DNAH5: variants seen among roughly 807,000 people sequenced by gnomAD.
DNAH5 encodes the protein dynein axonemal heavy chain 5, also known as axonemal beta dynein heavy chain 5.
DNAH5 carries 372 observed loss-of-function variants against 518.2 expected under a neutral mutation model. The observed-to-expected ratio is 0.72, with a 90% CI of 0.66 to 0.78. DNAH5 has a LOEUF of 0.78. DNAH5 is among the 30% of genes least tolerant of loss of function. The pLI is 0.00. For missense variants in DNAH5, 5,523 were observed against 5,687.0 expected, an observed-to-expected ratio of 0.97 and a Z score of 0.93; for synonymous variants, 2,039 against 2,025.9, an observed-to-expected ratio of 1.01 and a Z score of -0.17.
Position 13,762,715 on chromosome 5 carries a change from G to A in DNAH5, c.10281+7C>T. 6.2e-6 allele frequency: 10 copies of A among 1,613,698 alleles called. No individual in the cohort carries two copies. The highest frequency in any genetic ancestry group is 8.5e-6 in the Non-Finnish European group (10 of 1,179,772). ...CACCTTCACCCAGGTCTGCCTAGCA[G>A]GCTTACCTTCAGAGGCAGTACTTCT... On this transcript the variant is annotated splice_region_variant and intron_variant, in intron 60 of 78. Coordinates refer to ENST00000265104, the MANE Select transcript of DNAH5 (RefSeq NM_001369.3).
intron 68 of DNAH5, among the ~76,000 whole-genome samples, 164 bp from the exon 69 acceptor site, chr5:13,729,724 A>G (rs1746235211): frequency 6.6e-6 from 1 of 152,228 alleles, no homozygotes; most frequent in Non-Finnish European, 1.5e-5. Context: ...TAATAAATCA[A>G]TAGATAATTT....
chr5:13,757,534 A>G (rs1252442491), intron 61 of DNAH5, among the ~76,000 whole-genome samples: 1 of 152,136 alleles, frequency 6.6e-6, no homozygotes, highest in Non-Finnish European at 1.5e-5. Flanking sequence ...AAAGAAAGCA[A>G]AAACTGACAA....
chr5:13,916,798 C>T (rs546395063), intron 8 of DNAH5, among the ~76,000 whole-genome samples: 1 of 151,832 alleles, frequency 6.6e-6, no homozygotes, highest in African/African-American at 2.4e-5. Context: ...TAAAAAAAAA[C>T]ATCACTAGCT....
intron 78 of DNAH5, among the ~76,000 whole-genome samples, chr5:13,694,739 CTTTA>C (rs34325560): frequency 2.6e-5 from 4 of 152,094 alleles, no homozygotes; most frequent in Non-Finnish European, 5.9e-5. Context: ...TAAGTCATTC[CTTTA>C]TTTAACCACC....
chr5:13,820,511 A>G lies in DNAH5; in HGVS notation c.6688-12T>C, dbSNP rs879007222. 2.5e-6 allele frequency: 4 copies of G among 1,613,724 alleles called. No homozygotes were observed. The South Asian group carries it at 3.3e-5, about 13-fold the overall frequency. On this transcript the variant is annotated splice_polypyrimidine_tract_variant and intron_variant, in intron 40 of 78. Coordinates refer to ENST00000265104, the MANE Select transcript of DNAH5 (RefSeq NM_001369.3). ...CCAGCTTCTTCAACCTGAAAACATA[A>G]GAGAATCCCCACATTGAAACACAAC...
At chr5:13,969,292 T>C (rs947959655) in intron 1 of DNAH5, among the ~76,000 whole-genome samples, 8 of 152,224 alleles carry the variant, frequency 5.3e-5, no homozygotes, top group African/African-American at 1.9e-4. Context: ...TTATCTTCTG[T>C]AATTTTTTTG....
At chr5:13,886,172 T>C (rs1238694448) in intron 17 of DNAH5, 43 bp from the exon 18 acceptor site, 1 of 1,538,202 alleles carries the variant, frequency 6.5e-7, no homozygotes. Context: ...CAGTGGTATA[T>C]GGTTTATCTA....
At chr5:13,816,540 T>TA (rs1187772189) in intron 42 of DNAH5, among the ~76,000 whole-genome samples, 1 of 148,602 alleles carries the variant, frequency 6.7e-6, no homozygotes, top group Non-Finnish European at 1.5e-5. Flanking sequence ...TGCCTTTTTT[T>TA]AATGTGGAAA....
chr5:13,820,841 A>AAAAAAAAAAG (rs1198738015), intron 40 of DNAH5, among the ~76,000 whole-genome samples: 2 of 137,586 alleles, frequency 1.5e-5, no homozygotes, highest in African/African-American at 5.5e-5. Flanking sequence ...AAAAAAAAAA[A>AAAAAAAAAAG]AAACACATCA....
rs1779742574 is a variant in DNAH5 at position 13,944,377 on chromosome 5, C to T, written c.57+5G>A. ...CATGCAAAGGTACAGACAACAGCAC[C>T]TTACCGTTAAAACTCGAGTGACGCT... On this transcript the variant is annotated splice_donor_5th_base_variant and intron_variant, in intron 1 of 78. Coordinates refer to ENST00000265104, the MANE Select transcript of DNAH5 (RefSeq NM_001369.3). 6.2e-7 allele frequency: 1 copy of T among 1,613,710 alleles called. No individual in the cohort carries two copies. The highest frequency in any genetic ancestry group is 1.7e-5 in the Admixed American group (1 of 59,996).
At chr5:13,923,470 A>T (rs1247781188) in intron 3 of DNAH5, 30 bp from the exon 4 acceptor site, 6 of 1,613,444 alleles carry the variant, frequency 3.7e-6, no homozygotes, top group Non-Finnish European at 5.1e-6. Flanking sequence ...TTAGTTTCAC[A>T]AATGCTTTTT....
chr5:13,989,321 A>G (rs1783324264), intron 1 of DNAH5, among the ~76,000 whole-genome samples: 1 of 152,186 alleles, frequency 6.6e-6, no homozygotes, highest in Non-Finnish European at 1.5e-5. Flanking sequence ...CTATGCAGCC[A>G]TAAAAATGGT....
At chr5:13,764,837 G>A (rs570498087) in intron 59 of DNAH5, among the ~76,000 whole-genome samples, 1 of 152,142 alleles carries the variant, frequency 6.6e-6, no homozygotes, top group Non-Finnish European at 1.5e-5. Context: ...ATATTATAGT[G>A]TTTCACACTG....
chr5:13,993,487 C>G (rs996707469), intron 1 of DNAH5, among the ~76,000 whole-genome samples: 3 of 152,154 alleles, frequency 2.0e-5, no homozygotes, highest in Non-Finnish European at 4.4e-5. Flanking sequence ...CCCCACTGTA[C>G]TATTACAAAT....
chr5:13,795,007 CAA>C (rs1467357259), intron 47 of DNAH5, among the ~76,000 whole-genome samples: 3 of 152,004 alleles, frequency 2.0e-5, no homozygotes, highest in Non-Finnish European at 4.4e-5. Context: ...TTGCAGTACA[CAA>C]AAAGATATTA....
intron 68 of DNAH5, among the ~76,000 whole-genome samples, chr5:13,733,243 C>T (rs1361376126): frequency 2.0e-5 from 3 of 152,094 alleles, no homozygotes; most frequent in East Asian, 1.9e-4. Flanking sequence ...AGTGACAAAG[C>T]CAACACATAT....
chr5:13,904,837 G>A (rs1385216472), intron 12 of DNAH5, among the ~76,000 whole-genome samples: 1 of 152,110 alleles, frequency 6.6e-6, no homozygotes, highest in African/African-American at 2.4e-5. Flanking sequence ...TTTGAGCCCA[G>A]CAGATCGAGG....
intron 1 of DNAH5, among the ~76,000 whole-genome samples, chr5:13,969,981 T>C (rs1781766097): frequency 6.6e-6 from 1 of 152,228 alleles, no homozygotes; most frequent in Non-Finnish European, 1.5e-5. Flanking sequence ...GCTCCAGTGT[T>C]AGATGCATAT....
chr5:13,944,479 A>G lies in DNAH5; in HGVS notation c.-41T>C, dbSNP rs747257708. ...ACAGGCTGGAGTCAGCTCTTCCGGA[A>G]TGGTCTTCTAACTCCTGGCAGACCT... On this transcript the variant is annotated 5_prime_UTR_variant, in exon 1 of 79. Coordinates refer to ENST00000265104, the MANE Select transcript of DNAH5 (RefSeq NM_001369.3). 1.3e-6 allele frequency: 2 copies of G among 1,590,388 alleles called. No homozygotes were observed. The highest frequency in any genetic ancestry group is 1.7e-6 in the Non-Finnish European group (2 of 1,162,430).
Sources: allele counts gnomAD v4.1 joint callset (sites outside exome capture counted in the v4.1 genomes callset), GRCh38; gene constraint gnomAD v4.1.1; transcripts MANE v1.5; gene names NCBI Gene and HGNC (gene_info 2026-07-23, HGNC 2026-07-21).